Variants in MAP3K15 observed in about 807,000 individuals in gnomAD.
MAP3K15 encodes MAPK/ERK kinase kinase 15.
In MAP3K15, 124 loss-of-function variants were observed where a neutral mutation model predicts 99.5. The observed-to-expected ratio is 1.25, with a 90% CI of 1.08 to 1.45. The LOEUF is 1.45. Among genes scored for constraint, MAP3K15 ranks in the 40% most tolerant of loss-of-function variants. MAP3K15 has a pLI of 0.00. For missense variants in MAP3K15, 1,242 were observed against 1,079.7 expected, an observed-to-expected ratio of 1.15 and a Z score of -2.11; for synonymous variants, 494 against 439.6, an observed-to-expected ratio of 1.12 and a Z score of -1.55.
intron 19 of MAP3K15, among the ~76,000 whole-genome samples, chrX:19,376,563 A>G (rs1342737460): frequency 9.1e-6 from 1 of 110,291 alleles, no homozygotes; most frequent in African/African-American, 3.3e-5. Flanking sequence ...CTCCTGCTTC[A>G]GGTTCCTGAG....
chrX:19,457,319 A>T (rs1438214368), intron 5 of MAP3K15, among the ~76,000 whole-genome samples: 1 of 112,312 alleles, frequency 8.9e-6, no homozygotes, highest in Non-Finnish European at 1.9e-5. Context: ...AGAGTTAACA[A>T]CATCAGCAGA....
chrX:19,389,577 C>A (rs1313631435), intron 18 of MAP3K15, among the ~76,000 whole-genome samples: 1 of 111,869 alleles, frequency 8.9e-6, no homozygotes, highest in Non-Finnish European at 1.9e-5. Flanking sequence ...AAAATGAGAC[C>A]CCTTCCTTAT....
intron 13 of MAP3K15, among the ~76,000 whole-genome samples, chrX:19,402,059 G>A (rs746515139): frequency 9.9e-5 from 11 of 110,915 alleles, no homozygotes; most frequent in Non-Finnish European, 2.1e-4. Context: ...AGACTGAAGC[G>A]GGAAGACTGC....
chrX:19,360,093 C>T lies in MAP3K15; in HGVS notation c.*656G>A. The stretch of plus-strand genomic sequence containing the variant: ...CAATATTTATTATCAGGCAAGAGGA[C>T]AGTTCCATTTTAAAATAAGACTTTT... On this transcript the variant is annotated 3_prime_UTR_variant, in exon 29 of 29. Coordinates refer to ENST00000338883, the MANE Select transcript of MAP3K15 (RefSeq NM_001001671.4). 2 of 163,077 alleles carry T rather than the reference C, an allele frequency of 1.2e-5. No individual in the cohort carries two copies. Among genetic ancestry groups the T allele is most frequent in the Non-Finnish European group, 1.2e-5 (1 of 86,656 alleles). 13.4% of individuals were successfully genotyped at this position (163,077 alleles called of 1,213,427 possible).
intron 16 of MAP3K15, among the ~76,000 whole-genome samples, chrX:19,393,161 T>A (rs1243865494): frequency 8.0e-5 from 9 of 111,802 alleles, no homozygotes; most frequent in Non-Finnish European, 1.5e-4. Context: ...GGATGTCCTG[T>A]CCATTGGCAG....
At chrX:19,366,010 A>C (rs78708132) in intron 25 of MAP3K15, among the ~76,000 whole-genome samples, 3 of 95,180 alleles carry the variant, frequency 3.2e-5, no homozygotes, top group African/African-American at 1.5e-4. Flanking sequence ...CCATCTCAAA[A>C]AAAAAAAAAA....
chrX:19,487,122 C>G (rs1440043543), intron 2 of MAP3K15, among the ~76,000 whole-genome samples: 2 of 51,314 alleles, frequency 3.9e-5, no homozygotes, highest in Non-Finnish European at 7.0e-5. Context: ...ACCAACATTT[C>G]TGGGGGTGGG....
intron 1 of MAP3K15, among the ~76,000 whole-genome samples, chrX:19,509,237 C>T (rs1001822169): frequency 1.8e-5 from 2 of 111,573 alleles, no homozygotes; most frequent in African/African-American, 6.5e-5. Context: ...ATACTTGGGC[C>T]GAAGCAGACC....
intron 18 of MAP3K15, among the ~76,000 whole-genome samples, chrX:19,387,587 A>C (rs1243032365): frequency 2.7e-5 from 3 of 109,385 alleles, no homozygotes; most frequent in Non-Finnish European, 5.7e-5. Context: ...GGGCCTCACT[A>C]TGTTGGCCAG....
intron 1 of MAP3K15, among the ~76,000 whole-genome samples, chrX:19,511,928 T>C (rs1386184431): frequency 8.9e-6 from 1 of 111,990 alleles, no homozygotes; most frequent in African/African-American, 3.2e-5. Flanking sequence ...CAAATGCCCA[T>C]CAATGATAGA....
chrX:19,406,758 A>G (rs1202640633), intron 13 of MAP3K15, among the ~76,000 whole-genome samples: 1 of 112,683 alleles, frequency 8.9e-6, no homozygotes, highest in Non-Finnish European at 1.9e-5. Flanking sequence ...CTGGGGTGCA[A>G]TGGCACAATC....
rs377362996 is a variant in MAP3K15, at chrX:19,413,113, T to TACACAC, written c.1698+238_1698+243dup. ...ACCTGTATTTGTTTTAATGTTTTTA[T>TACACAC]ACACACACACACACACACACACACA... On this transcript the variant is annotated intron_variant, in intron 11 of 28. Transcript: ENST00000338883. 5.3e-3 allele frequency among the ~76,000 whole-genome samples: 521 copies of TACACAC among 98,684 alleles called. 1 individual carries two copies. Among genetic ancestry groups the TACACAC allele is most frequent in the African/African-American group, 0.018 (482 of 26,489 alleles). The allele number at this position is 98,684 out of a possible 115,157, so 85.7% of individuals were successfully genotyped here. A position where few individuals can be genotyped will look rare whatever the true frequency, so the allele number is the denominator to read the frequency against.
intron 3 of MAP3K15, among the ~76,000 whole-genome samples, chrX:19,468,956 A>T (rs1280153057): frequency 9.0e-6 from 1 of 111,579 alleles, no homozygotes; most frequent in East Asian, 2.8e-4. Flanking sequence ...TTTTTGCACA[A>T]TGATTTTGTA....
chrX:19,399,738 C>CAAAAAAAA (rs1569210940), intron 14 of MAP3K15, among the ~76,000 whole-genome samples: 8 of 42,821 alleles, frequency 1.9e-4, no homozygotes, highest in African/African-American at 1.2e-3. Flanking sequence ...GACTCTGTTT[C>CAAAAAAAA]CAAAAAAAAA....
intron 3 of MAP3K15, among the ~76,000 whole-genome samples, chrX:19,475,151 A>G (rs1049187918): frequency 5.4e-5 from 6 of 111,093 alleles, no homozygotes; most frequent in Admixed American, 4.8e-4. Context: ...GTTTTCCTAC[A>G]ACTAGACGGT....
chrX:19,374,964 T>C (rs984526281), intron 19 of MAP3K15, among the ~76,000 whole-genome samples: 2 of 110,623 alleles, frequency 1.8e-5, no homozygotes, highest in Non-Finnish European at 3.8e-5. Flanking sequence ...GAGACCACCA[T>C]GCAGAGAGGA....
At position 19,360,817 on chromosome X, in the gene MAP3K15, T is replaced by G. The variant is rs2063275346; in HGVS notation, c.3874A>C (p.Arg1292=). The G allele has an allele frequency of 2.5e-6, 3 of 1,205,682 alleles. No homozygotes were observed. The highest frequency in any genetic ancestry group is 3.4e-6 in the Non-Finnish European group (3 of 892,642). Residue 1292 remains arginine (R), a synonymous_variant, in exon 29 of 29, where the codon AGA becomes CGA. Transcript: ENST00000338883. ...TACTGGGAGACCGCACTCCAGAGTC[T>G]GCAGAGGAGACCACCCCTGGGAAAC... ...YLRLRGGLLC[R]LWSAVSQYRR... is the part of the protein sequence containing the mutation.
At chrX:19,445,926 G>A (rs112947893) in intron 6 of MAP3K15, among the ~76,000 whole-genome samples, 1,930 of 101,530 alleles carry the variant, frequency 0.019, 22 homozygotes, top group South Asian at 0.04. Flanking sequence ...CAGCCTGGGC[G>A]ACAAGAGCGA....
rs147335131 is a variant in MAP3K15 at position 19,454,183 on chromosome X, T to G, written c.995+2730A>C. 1.8e-3 allele frequency among the ~76,000 whole-genome samples: 197 copies of G among 111,530 alleles called. 2 individuals carry two copies. Among genetic ancestry groups the G allele is most frequent in the African/African-American group, 5.1e-3 (157 of 30,771 alleles). On this transcript the variant is annotated intron_variant, in intron 6 of 28. Coordinates refer to ENST00000338883, the MANE Select transcript of MAP3K15 (RefSeq NM_001001671.4). Reference sequence around the variant, plus strand: ...TGCTGAGTAATTCAAAGAGGTAAATTTTGCCAGAGTTGGTAGTCTCGATCC... The same window carrying G: ...TGCTGAGTAATTCAAAGAGGTAAATGTTGCCAGAGTTGGTAGTCTCGATCC...
Sources: gnomAD v4.1 joint callset for allele counts (sites outside exome capture counted in the v4.1 genomes callset) on GRCh38, gnomAD v4.1.1 for gene constraint, MANE v1.5 for transcripts, NCBI Gene and HGNC (gene_info 2026-07-23, HGNC 2026-07-21) for gene names.